MALRD1: variants seen among roughly 807,000 people sequenced by gnomAD.
The protein encoded by MALRD1 is MAM and LDL receptor class A domain containing 1, also known as MAM and LDL-receptor class A domain-containing protein 1.
In MALRD1, 247 loss-of-function variants were observed where a neutral mutation model predicts 242.1. The ratio of observed to expected loss-of-function variants is 1.02; its 90% CI spans 0.92 to 1.13. MALRD1 has a LOEUF of 1.13. MALRD1 is among the 50% of genes most tolerant of loss of function. The pLI, the probability that MALRD1 is intolerant of heterozygous loss-of-function variation, is 0.00. For synonymous variants in MALRD1, 995 were observed against 866.6 expected (o/e 1.15, Z -2.60); for missense variants, 2,989 against 2,533.1 (o/e 1.18, Z -3.86).
intron 28 of MALRD1, among the ~76,000 whole-genome samples, chr10:19,409,919 G>A (rs7920647): frequency 0.72 from 110,128 of 151,972 alleles, 40,237 homozygotes; most frequent in African/African-American, 0.78. Context: ...AAAATAATAT[G>A]CATATTCATG....
At chr10:19,156,810 C>A (rs919060697) in intron 12 of MALRD1, among the ~76,000 whole-genome samples, 1 of 152,018 alleles carries the variant, frequency 6.6e-6, no homozygotes, top group Non-Finnish European at 1.5e-5. Context: ...ATCATTGTTT[C>A]CACTTGAGGA....
At chr10:19,721,486 T>A (rs745492686) in intron 38 of MALRD1, 1 of 151,564 alleles carries the variant, frequency 6.6e-6, no homozygotes, top group Non-Finnish European at 1.5e-5. Context: ...TCTTTTATAA[T>A]TTAGTTGCAT....
chr10:19,590,843 C>G (rs927041247), intron 33 of MALRD1, among the ~76,000 whole-genome samples: 7 of 152,056 alleles, frequency 4.6e-5, no homozygotes, highest in Non-Finnish European at 7.4e-5. Context: ...ACATTCTGCA[C>G]CAGAGTGGAA....
chr10:19,535,554 CAT>C (rs752784282), intron 32 of MALRD1, among the ~76,000 whole-genome samples: 11 of 148,312 alleles, frequency 7.4e-5, no homozygotes, highest in Non-Finnish European at 1.3e-4. Context: ...TATATATACA[CAT>C]ATGTACATAT....
intron 12 of MALRD1, among the ~76,000 whole-genome samples, chr10:19,157,413 A>AT (rs1055523773): frequency 4.0e-5 from 6 of 151,532 alleles, no homozygotes; most frequent in African/African-American, 4.8e-5. Flanking sequence ...CTCCCGGCTA[A>AT]TTTTTTTGTA....
intron 31 of MALRD1, among the ~76,000 whole-genome samples, chr10:19,529,616 T>A (rs1201801062): frequency 1.3e-5 from 2 of 150,676 alleles, no homozygotes; most frequent in Non-Finnish European, 2.9e-5. Context: ...ATATGGTAAA[T>A]GTTATAAATA....
intron 28 of MALRD1, among the ~76,000 whole-genome samples, chr10:19,395,149 A>G (rs1846522023): frequency 6.6e-6 from 1 of 152,198 alleles, no homozygotes. Context: ...AAATAATTGA[A>G]GAAAAGTTGA....
At chr10:19,452,309 C>T (rs1334099952) in intron 29 of MALRD1, among the ~76,000 whole-genome samples, 2 of 152,026 alleles carry the variant, frequency 1.3e-5, no homozygotes, top group Admixed American at 6.6e-5. Context: ...TTCCCTTTTT[C>T]GTAATAGAGT....
rs867439521 is a variant in MALRD1, at chr10:19,337,084, T to C, written c.3901+5502T>C. Among the ~76,000 whole-genome samples the C allele has an allele frequency of 3.9e-5, 6 of 152,220 alleles. 1 individual carries two copies. In the Middle Eastern group the frequency reaches 0.017, roughly 434 times the overall value. On this transcript the variant is annotated intron_variant, in intron 24 of 39. Coordinates refer to ENST00000454679, the MANE Select transcript of MALRD1 (RefSeq NM_001142308.3). ...AATATATTGTGTGTATATATTTGTG[T>C]ATATATTATACACAAGTAAACTTAC...
At chr10:19,276,033 G>A (rs560320502) in intron 19 of MALRD1, among the ~76,000 whole-genome samples, 10 of 152,178 alleles carry the variant, frequency 6.6e-5, no homozygotes, top group African/African-American at 2.4e-4. Flanking sequence ...TGCCTAAATT[G>A]GAGCATAGAA....
intron 34 of MALRD1, among the ~76,000 whole-genome samples, chr10:19,604,124 G>T (rs555353755): frequency 1.3e-5 from 2 of 152,254 alleles, no homozygotes; most frequent in African/African-American, 2.4e-5. Flanking sequence ...TGGGCCTCTT[G>T]CTCCAAACAG....
chr10:19,591,497 G>GTTTTTTTTTTTTTTTTTTTTA (rs35785107), intron 33 of MALRD1, among the ~76,000 whole-genome samples: 1 of 116,296 alleles, frequency 8.6e-6, no homozygotes. Context: ...TTTTATTTTA[G>GTTTTTTTTTTTTTTTTTTTTA]TTTTTTTTTT....
rs1841185131 is a variant in MALRD1, at chr10:19,656,989, A to T, written c.6138-35293A>T. On this transcript the variant is annotated intron_variant, in intron 36 of 39. Transcript: ENST00000454679. ...AGTTGCTACTAAATCAATGTATTGCACCAATGTAGATACGGATCGAATAAT... is the reference window on the plus strand; with the variant it reads ...AGTTGCTACTAAATCAATGTATTGCTCCAATGTAGATACGGATCGAATAAT... Among the ~76,000 whole-genome samples, 4 of 152,296 alleles carry T rather than the reference A, an allele frequency of 2.6e-5. No individual in the cohort carries two copies. In the South Asian group the frequency reaches 8.3e-4, roughly 32 times the overall value.
Position 19,692,305 on chromosome 10 carries a change from A to G in MALRD1, c.6161A>G (p.Asn2054Ser). The change falls in exon 37 of 40, where the codon AAT becomes AGT. Residue 2054 changes from asparagine (N) to serine (S), a missense_variant. Transcript: ENST00000454679. ...MCRCRQGWKG[N>S]RCHIKFNPPA... ...AGATGTAGACAAGGCTGGAAAGGAA[A>G]TCGATGCCATATCAAGTTTAATCCT... 6.5e-7 allele frequency: 1 copy of G among 1,535,270 alleles called. No individual in the cohort carries two copies. The highest frequency in any genetic ancestry group is 8.7e-7 in the Non-Finnish European group (1 of 1,146,400).
Position 19,531,394 on chromosome 10 carries a change from T to C in MALRD1, c.5478+43T>C, listed in dbSNP as rs1269328801. 2.2e-5 allele frequency: 33 copies of C among 1,467,436 alleles called. No individual in the cohort carries two copies. The Admixed American group carries it at 2.5e-4, about 11-fold the overall frequency. The allele number at this position is 1,467,436 out of a possible 1,614,324, so 90.9% of individuals were successfully genotyped here. On this transcript the variant is annotated intron_variant, in intron 32 of 39. Coordinates refer to ENST00000454679, the MANE Select transcript of MALRD1 (RefSeq NM_001142308.3). ...AGATTTATGATCACTGAAATATGCA[T>C]GACATGTTTAAACATTGTCTTCCCT...
chr10:19,160,941 GT>G (rs201092347), intron 12 of MALRD1, among the ~76,000 whole-genome samples: 1 of 150,972 alleles, frequency 6.6e-6, no homozygotes, highest in African/African-American at 2.4e-5. Context: ...TTTTTGAAGG[GT>G]TTTTTGTGTC....
At position 19,057,287 on chromosome 10, in the gene MALRD1, T is replaced by G. The variant is rs1057203191; in HGVS notation, c.199+8150T>G. Among the ~76,000 whole-genome samples the G allele has an allele frequency of 2.4e-4, 36 of 152,206 alleles. 1 individual carries two copies. Among genetic ancestry groups the G allele is most frequent in the South Asian group, 2.1e-4 (1 of 4,836 alleles). The stretch of plus-strand genomic sequence containing the variant: ...ATAGGTAACTAATTACATTTATTAG[T>G]TGCTGGCACCATCAAGGTGCCAGCA... On this transcript the variant is annotated intron_variant, in intron 1 of 39. Transcript: ENST00000454679.
intron 29 of MALRD1, among the ~76,000 whole-genome samples, chr10:19,473,171 C>T (rs1355732047): frequency 4.1e-5 from 2 of 48,564 alleles, no homozygotes; most frequent in Admixed American, 5.6e-4. Flanking sequence ...CAAGCTTTCA[C>T]ATTTCTTAAA....
At chr10:19,728,716 T>C (rs1309607085) in intron 38 of MALRD1, among the ~76,000 whole-genome samples, 4 of 152,194 alleles carry the variant, frequency 2.6e-5, no homozygotes, top group Non-Finnish European at 5.9e-5. Context: ...TATGTTTTGA[T>C]CATCCCTACT....
Sources: allele counts gnomAD v4.1 joint callset (sites outside exome capture counted in the v4.1 genomes callset), GRCh38; gene constraint gnomAD v4.1.1; transcripts MANE v1.5; gene names NCBI Gene and HGNC (gene_info 2026-07-23, HGNC 2026-07-21).